The following PDE4D variants were observed in gnomAD, a reference collection of about 807,000 sequenced individuals.
PDE4D encodes phosphodiesterase 4D, also known as 3',5'-cyclic-AMP phosphodiesterase 4D.
Under a neutral mutation model 87.4 loss-of-function variants are expected in PDE4D, and 24 were observed. That is an observed-to-expected ratio of 0.27 (90% confidence interval 0.20 to 0.39). PDE4D has a LOEUF of 0.39. Ranked by LOEUF, PDE4D falls within the 10% of genes least tolerant of loss-of-function variation. PDE4D has a pLI of 1.00. For missense variants in PDE4D, 714 were observed against 1,041.0 expected, an observed-to-expected ratio of 0.69 and a Z score of 4.32; for synonymous variants, 384 against 383.2, an observed-to-expected ratio of 1.00 and a Z score of -0.02.
chr5:60,137,486 T>C (rs1345453627), intron 2 of PDE4D, among the ~76,000 whole-genome samples: 1 of 152,202 alleles, frequency 6.6e-6, no homozygotes, highest in Non-Finnish European at 1.5e-5. Context: ...ATCACAGCCA[T>C]TCTGACTGGT....
At chr5:59,045,556 C>CAAAAA (rs36051277) in intron 5 of PDE4D, among the ~76,000 whole-genome samples, 1 of 70,972 alleles carries the variant, frequency 1.4e-5, no homozygotes, top group African/African-American at 5.5e-5. Context: ...AACTCTGTCT[C>CAAAAA]AAAAAAAAAA....
rs139386602 is a variant in PDE4D, at chr5:59,061,864, T to C, written c.809-22893A>G. Among the ~76,000 whole-genome samples the C allele has an allele frequency of 9.2e-5, 14 of 152,200 alleles. No individual in the cohort carries two copies. The East Asian group carries it at 2.3e-3, about 25-fold the overall frequency. ...TGAAAGCCTGCATATTTTTTTAAGA[T>C]AGCAAGTATAAAACGGCTATAAGTA... is the stretch of plus-strand genomic sequence containing the variant. On this transcript the variant is annotated intron_variant, in intron 5 of 14. Coordinates refer to ENST00000340635, the MANE Select transcript of PDE4D (RefSeq NM_001104631.2).
At chr5:59,080,216 G>C (rs1766494911) in intron 5 of PDE4D, among the ~76,000 whole-genome samples, 1 of 152,174 alleles carries the variant, frequency 6.6e-6, no homozygotes, top group African/African-American at 2.4e-5. Flanking sequence ...TCCATAGTAA[G>C]ACAGTAGTTG....
At chr5:59,655,381 T>C (rs2150257388) in intron 1 of PDE4D, among the ~76,000 whole-genome samples, 1 of 152,346 alleles carries the variant, frequency 6.6e-6, no homozygotes, top group Middle Eastern at 3.4e-3. Flanking sequence ...TAGAAGCACT[T>C]ACTGATAAGT....
Position 60,037,249 on chromosome 5 carries a change from C to T in PDE4D, c.43-48532G>A, listed in dbSNP as rs949207223. Among the ~76,000 whole-genome samples the T allele has an allele frequency of 1.7e-4, 26 of 152,070 alleles. 1 individual carries two copies. Among genetic ancestry groups the T allele is most frequent in the Non-Finnish European group, 5.9e-5 (4 of 68,010 alleles). ...ACATGCAATACAATATGTTAAAATG[C>T]TTAGCACCTATGAATTCAGCTTAAT... On this transcript the variant is annotated intron_variant, in intron 2 of 16. Transcript: ENST00000502484.
At chr5:59,988,659 T>C in exon 3 of PDE4D, 2 of 1,599,320 alleles carry the variant, frequency 1.3e-6, no homozygotes, top group South Asian at 1.1e-5. Flanking sequence ...AAGATAGGGT[T>C]CCATTCCGCG....
upstream of PDE4D, among the ~76,000 whole-genome samples, chr5:60,492,887 A>T (rs1268802386): frequency 6.6e-6 from 1 of 151,830 alleles, no homozygotes; most frequent in Non-Finnish European, 1.5e-5. Flanking sequence ...TACTTAAAGT[A>T]TAAAAAAAAA....
At chr5:59,856,537 T>A (rs1745469349) in intron 1 of PDE4D, among the ~76,000 whole-genome samples, 1 of 152,208 alleles carries the variant, frequency 6.6e-6, no homozygotes, top group Admixed American at 6.5e-5. Context: ...ACAGTCACAG[T>A]GGCTGCAAGT....
rs561046875 is a variant in PDE4D at position 59,238,158 on chromosome 5, A to G, written c.456-22190T>C. ...TCTCCATGCCTCAGTCTCTTCTTCC[A>G]TAACATGGAGAACATGCCATTTAGA... On this transcript the variant is annotated intron_variant, in intron 1 of 14. Coordinates refer to ENST00000340635, the MANE Select transcript of PDE4D (RefSeq NM_001104631.2). 2.6e-5 allele frequency among the ~76,000 whole-genome samples: 4 copies of G among 152,266 alleles called. No individual in the cohort carries two copies. In the South Asian group the frequency reaches 8.3e-4, roughly 32 times the overall value.
chr5:59,107,450 C>G (rs1373049403), intron 5 of PDE4D, among the ~76,000 whole-genome samples: 1 of 152,206 alleles, frequency 6.6e-6, no homozygotes, highest in Non-Finnish European at 1.5e-5. Flanking sequence ...CTTCAGTGAT[C>G]TGCCTGTCTC....
chr5:60,292,935 G>A (rs1753021547), intron 1 of PDE4D, among the ~76,000 whole-genome samples: 1 of 152,024 alleles, frequency 6.6e-6, no homozygotes, highest in South Asian at 2.1e-4. Flanking sequence ...AATGGTAACA[G>A]GTCCTTGTTT....
chr5:60,282,746 T>C (rs1752062147), intron 1 of PDE4D, among the ~76,000 whole-genome samples: 4 of 152,174 alleles, frequency 2.6e-5, no homozygotes, highest in Admixed American at 2.6e-4. Flanking sequence ...GACATAGGCA[T>C]ATGCTTTTGG....
intron 1 of PDE4D, among the ~76,000 whole-genome samples, chr5:59,719,139 A>G (rs7713964): frequency 0.067 from 10,226 of 152,200 alleles, 1,066 homozygotes; most frequent in African/African-American, 0.22. Context: ...TTCTACCCCA[A>G]AACAATGGGA....
In PDE4D at chr5:60,156,682, T is replaced by C. The variant is rs138229093; in HGVS notation, c.42+28875A>G. On this transcript the variant is annotated intron_variant, in intron 2 of 16. Transcript: ENST00000502484. ...GAGAAGTATAAAACAAAATCACCCA[T>C]AATCTTACCTGCCCTAGTTTCTGTT... Among the ~76,000 whole-genome samples the C allele has an allele frequency of 3.8e-3, 583 of 152,298 alleles. 1 individual carries two copies. The highest frequency in any genetic ancestry group is 0.013 in the African/African-American group (561 of 41,584).
chr5:60,146,870 A>G lies in PDE4D; in HGVS notation c.42+38687T>C, dbSNP rs183660195. On this transcript the variant is annotated intron_variant, in intron 2 of 16. Transcript: ENST00000502484. ...CAAATGGCCAACAGATATATGAAAA[A>G]GTGGTCAACATCACTAATCATAGGA... 3.9e-5 allele frequency among the ~76,000 whole-genome samples: 6 copies of G among 152,322 alleles called. No homozygotes were observed. The East Asian group carries it at 1.2e-3, about 29-fold the overall frequency.
chr5:59,372,542 C>T lies in PDE4D; in HGVS notation c.456-156574G>A, dbSNP rs111581753. Among the ~76,000 whole-genome samples, 49 of 152,292 alleles carry T rather than the reference C, an allele frequency of 3.2e-4. 1 individual carries two copies. Among genetic ancestry groups the T allele is most frequent in the South Asian group, 2.1e-3 (10 of 4,828 alleles). On this transcript the variant is annotated intron_variant, in intron 1 of 14. Transcript: ENST00000340635. ...CATCAAATTATTTGAAAAGTAAACACGTGGGCTGTACAGAGAACAGTGAAT... is the reference window on the plus strand; with the variant it reads ...CATCAAATTATTTGAAAAGTAAACATGTGGGCTGTACAGAGAACAGTGAAT...
At chr5:59,629,495 G>A (rs534730341) in intron 1 of PDE4D, among the ~76,000 whole-genome samples, 3 of 152,012 alleles carry the variant, frequency 2.0e-5, no homozygotes, top group East Asian at 1.9e-4. Context: ...GAGAGAAGAC[G>A]AAGAGAAAAT....
chr5:59,244,356 C>T (rs985637397), intron 1 of PDE4D, among the ~76,000 whole-genome samples: 1 of 151,738 alleles, frequency 6.6e-6, no homozygotes, highest in African/African-American at 2.4e-5. Flanking sequence ...CAAGATTGTG[C>T]CACTGCACTC....
intron 1 of PDE4D, among the ~76,000 whole-genome samples, chr5:60,517,786 G>A (rs1750868267): frequency 6.6e-6 from 1 of 152,206 alleles, no homozygotes. Context: ...AGTTGTCCCT[G>A]TACCTCATTC....
Sources: allele counts gnomAD v4.1 joint callset (sites outside exome capture counted in the v4.1 genomes callset), GRCh38; gene constraint gnomAD v4.1.1; transcripts MANE v1.5; gene names NCBI Gene and HGNC (gene_info 2026-07-23, HGNC 2026-07-21).